Variants in ERBB4 observed in about 807,000 individuals in gnomAD.
ERBB4 encodes receptor tyrosine-protein kinase erbB-4.
In ERBB4, 42 loss-of-function variants were observed where a neutral mutation model predicts 158.0. That is an observed-to-expected ratio of 0.27 (90% CI 0.21 to 0.34). The LOEUF is 0.34. Among genes scored for constraint, ERBB4 ranks in the 10% least tolerant of loss-of-function variants. ERBB4 has a pLI of 1.00. For missense variants in ERBB4, 1,333 were observed against 1,624.1 expected, an observed-to-expected ratio of 0.82 and a Z score of 3.08; for synonymous variants, 583 against 558.7, an observed-to-expected ratio of 1.04 and a Z score of -0.61.
intron 1 of ERBB4, among the ~76,000 whole-genome samples, chr2:212,191,573 T>C (rs529811843): frequency 3.5e-5 from 5 of 143,530 alleles, no homozygotes; most frequent in Admixed American, 1.4e-4. Flanking sequence ...ATAACACATG[T>C]GTTATGCCTG....
At chr2:212,363,812 TTA>T (rs1228067725) in intron 1 of ERBB4, among the ~76,000 whole-genome samples, 1 of 151,688 alleles carries the variant, frequency 6.6e-6, no homozygotes, top group Non-Finnish European at 1.5e-5. Context: ...CTATACATGA[TTA>T]TATATACATT....
chr2:211,806,364 A>G, intron 3 of ERBB4, among the ~76,000 whole-genome samples: 1 of 152,196 alleles, frequency 6.6e-6, no homozygotes, highest in East Asian at 1.9e-4. Flanking sequence ...TTAACTTAGA[A>G]TTCTAAACCC....
Position 211,709,848 on chromosome 2 carries a change from C to T in ERBB4, c.1124+2202G>A, listed in dbSNP as rs369624778. Among the ~76,000 whole-genome samples, 47 of 152,140 alleles carry T rather than the reference C, an allele frequency of 3.1e-4. 1 individual carries two copies. Among genetic ancestry groups the T allele is most frequent in the East Asian group, 1.4e-3 (7 of 5,168 alleles). On this transcript the variant is annotated intron_variant, in intron 9 of 27. Transcript: ENST00000342788. ...TCCAATTTCAATGAAAGTCATTTCC[C>T]TCTTTCTTTTGTCATATAACAATGT...
intron 2 of ERBB4, among the ~76,000 whole-genome samples, chr2:212,073,035 T>G (rs1409781338): frequency 1.3e-5 from 2 of 151,684 alleles, no homozygotes; most frequent in African/African-American, 4.8e-5. Context: ...AAGTAGAAAT[T>G]GATTAGACAA....
chr2:211,966,716 C>T (rs1026551465), intron 2 of ERBB4, among the ~76,000 whole-genome samples: 4 of 151,966 alleles, frequency 2.6e-5, no homozygotes, highest in Non-Finnish European at 4.4e-5. Flanking sequence ...TTTGAAAATG[C>T]TACTTGGAAA....
chr2:211,902,411 G>A (rs965223210), intron 3 of ERBB4, among the ~76,000 whole-genome samples: 2 of 151,840 alleles, frequency 1.3e-5, no homozygotes, highest in African/African-American at 2.4e-5. Context: ...GAAAAATTTG[G>A]TTCCTATTTC....
intron 1 of ERBB4, among the ~76,000 whole-genome samples, chr2:212,291,189 A>G (rs75374250): frequency 5.4e-4 from 82 of 152,260 alleles, no homozygotes; most frequent in African/African-American, 1.9e-3. Context: ...ACATTGAAAT[A>G]ACTTTAACAC....
At chr2:212,174,297 T>G (rs1386481525) in intron 1 of ERBB4, among the ~76,000 whole-genome samples, 1 of 152,136 alleles carries the variant, frequency 6.6e-6, no homozygotes, top group East Asian at 1.9e-4. Flanking sequence ...ATTAAATATG[T>G]GCAGTCATCA....
intron 1 of ERBB4, among the ~76,000 whole-genome samples, chr2:212,463,671 A>G (rs1688686965): frequency 6.6e-6 from 1 of 152,118 alleles, no homozygotes. Flanking sequence ...ACGTGGTAAA[A>G]TGATACGTTA....
At chr2:212,130,733 T>G (rs947854423) in intron 1 of ERBB4, among the ~76,000 whole-genome samples, 1 of 152,172 alleles carries the variant, frequency 6.6e-6, no homozygotes, top group African/African-American at 2.4e-5. Flanking sequence ...TGGCATCTAC[T>G]CGTCTCCAAA....
chr2:211,947,647 T>A (rs2125138925), intron 2 of ERBB4, 31 bp from the exon 3 acceptor site: 1 of 1,596,060 alleles, frequency 6.3e-7, no homozygotes, highest in Non-Finnish European at 8.6e-7. Context: ...GCCTGTGTTA[T>A]AAAACGAATT....
intron 3 of ERBB4, among the ~76,000 whole-genome samples, chr2:211,898,831 C>G (rs1230337218): frequency 6.6e-6 from 1 of 152,154 alleles, no homozygotes; most frequent in South Asian, 2.1e-4. Context: ...CAGTAGCATG[C>G]CTATCATTCA....
intron 3 of ERBB4, among the ~76,000 whole-genome samples, chr2:211,925,626 C>A (rs1007521692): frequency 7.2e-5 from 11 of 151,934 alleles, no homozygotes; most frequent in Middle Eastern, 3.2e-3. Flanking sequence ...TGTGATCCGC[C>A]CACCTCGGCC....
At chr2:212,217,575 G>A (rs1005625608) in intron 1 of ERBB4, among the ~76,000 whole-genome samples, 17 of 151,330 alleles carry the variant, frequency 1.1e-4, no homozygotes, top group Admixed American at 2.0e-4. Context: ...GACAACATAT[G>A]TTTGAGTACC....
Position 211,645,282 on chromosome 2 carries a change from A to C in ERBB4, c.1946+12472T>G, listed in dbSNP as rs564905446. On this transcript the variant is annotated intron_variant, in intron 16 of 27. Coordinates refer to ENST00000342788, the MANE Select transcript of ERBB4 (RefSeq NM_005235.3). ...AGAGAGACAGAGACAGAGAGAGAGA[A>C]AGACAGAGAGGGAGAAGCCCTCACA... 5.3e-4 allele frequency among the ~76,000 whole-genome samples: 80 copies of C among 151,828 alleles called. No homozygotes were observed. In the South Asian group the frequency reaches 0.011, roughly 22 times the overall value.
chr2:212,365,573 T>G (rs1344901955), intron 1 of ERBB4, among the ~76,000 whole-genome samples: 1 of 151,830 alleles, frequency 6.6e-6, no homozygotes, highest in Non-Finnish European at 1.5e-5. Context: ...CAAGCCTAAT[T>G]TTAATAAAAA....
intron 19 of ERBB4, among the ~76,000 whole-genome samples, chr2:211,613,310 C>A (rs151199922): frequency 6.6e-6 from 1 of 151,950 alleles, no homozygotes; most frequent in East Asian, 1.9e-4. Context: ...TCTAAGCGGG[C>A]TGCAGAGAGA....
intron 1 of ERBB4, among the ~76,000 whole-genome samples, chr2:212,460,410 G>C (rs980049569): frequency 5.9e-5 from 9 of 152,190 alleles, no homozygotes; most frequent in African/African-American, 2.2e-4. Context: ...ACTTCGTAGA[G>C]ACTTGTTGAA....
At chr2:212,462,052 GC>G (rs1688603098) in intron 1 of ERBB4, among the ~76,000 whole-genome samples, 1 of 152,034 alleles carries the variant, frequency 6.6e-6, no homozygotes, top group Admixed American at 6.6e-5. Flanking sequence ...GTCTTTATCA[GC>G]AGTGTGAAAA....
Sources: gnomAD v4.1 joint callset for allele counts (sites outside exome capture counted in the v4.1 genomes callset) on GRCh38, gnomAD v4.1.1 for gene constraint, MANE v1.5 for transcripts, NCBI Gene and HGNC (gene_info 2026-07-23, HGNC 2026-07-21) for gene names.